CSMD2: variants seen among roughly 807,000 people sequenced by gnomAD.
The protein encoded by CSMD2 is CUB and sushi domain-containing protein 2.
Under a neutral mutation model 398.5 loss-of-function variants are expected in CSMD2, and 130 were observed. The observed-to-expected ratio is 0.33, with a 90% CI of 0.28 to 0.38. CSMD2 has a LOEUF of 0.38. CSMD2 is among the 10% of genes least tolerant of loss of function. CSMD2 has a pLI of 1.00. For synonymous variants in CSMD2, 1,828 were observed against 1,908.5 expected (o/e 0.96, Z 1.10); for missense variants, 3,829 against 4,764.9 (o/e 0.80, Z 5.78).
In CSMD2 at chr1:33,539,619, A is replaced by G. The variant is rs931289486; in HGVS notation, c.9631+906T>C. On this transcript the variant is annotated intron_variant, in intron 60 of 70. Coordinates refer to ENST00000373381, the MANE Select transcript of CSMD2 (RefSeq NM_001281956.2). ...AAAGCTGAACTGTGGTTATCATTGG[A>G]AAGTGTGAGTTCAGATGACTTTTAC... is the stretch of plus-strand genomic sequence containing the variant. Among the ~76,000 whole-genome samples the G allele has an allele frequency of 3.9e-5, 6 of 152,222 alleles. 1 individual carries two copies. Among genetic ancestry groups the G allele is most frequent in the Admixed American group, 3.9e-4 (6 of 15,274 alleles).
chr1:34,114,980 A>C lies in CSMD2; in HGVS notation c.188-25787T>G, dbSNP rs965442293. On this transcript the variant is annotated intron_variant, in intron 1 of 70. Coordinates refer to ENST00000373381, the MANE Select transcript of CSMD2 (RefSeq NM_001281956.2). ...ATTTAAAATTTTACTGGAGGGGTTC[A>C]ATAACAGACTTAAGCAGAAAAAAGA... 3.9e-5 allele frequency among the ~76,000 whole-genome samples: 6 copies of C among 152,288 alleles called. No individual in the cohort carries two copies. In the East Asian group the frequency reaches 1.2e-3, roughly 29 times the overall value.
intron 66 of CSMD2, among the ~76,000 whole-genome samples, chr1:33,524,179 CATA>C (rs1654567567): frequency 6.6e-6 from 1 of 152,098 alleles, no homozygotes; most frequent in Non-Finnish European, 1.5e-5. Flanking sequence ...TCAACACTGG[CATA>C]ATATTTCATC....
At position 33,587,097 on chromosome 1, in the gene CSMD2, A is replaced by C; in HGVS notation, c.6928T>G (p.Phe2310Val). Residue 2310 changes from phenylalanine to valine, a missense_variant, in exon 45 of 71, where the codon TTC (phenylalanine) becomes GTC (valine). Physicochemically the swap from Phe to Val is conservative, Grantham distance 50 (BLOSUM62 -1). Transcript: ENST00000373381. The stretch of plus-strand genomic sequence containing the variant: ...GCTTGGGAGGTGGTACCTATATTGA[A>C]TTCTTCATTCTCTGTGACGACTTCG... ...NAEVVTENEE[F>V]NIGDIVRYRC... 6.2e-7 allele frequency: 1 copy of C among 1,605,092 alleles called. No homozygotes were observed. Among genetic ancestry groups the C allele is most frequent in the Non-Finnish European group, 8.5e-7 (1 of 1,175,962 alleles).
chr1:33,620,879 TTTAA>T (rs1315233076), intron 37 of CSMD2, among the ~76,000 whole-genome samples: 1 of 150,706 alleles, frequency 6.6e-6, no homozygotes, highest in Non-Finnish European at 1.5e-5. Flanking sequence ...CTGGGACCTG[TTTAA>T]TTCTTTCTGA....
intron 2 of CSMD2, among the ~76,000 whole-genome samples, chr1:34,072,714 A>C (rs905285119): frequency 1.3e-5 from 2 of 152,096 alleles, no homozygotes; most frequent in Admixed American, 1.3e-4. Context: ...TTGACCTTGA[A>C]CCACAGGGTC....
intron 13 of CSMD2, among the ~76,000 whole-genome samples, chr1:33,766,372 T>C (rs888331004): frequency 1.3e-5 from 2 of 152,136 alleles, no homozygotes; most frequent in Non-Finnish European, 2.9e-5. Context: ...CTATGCCCCA[T>C]GAGAAGAGGG....
intron 39 of CSMD2, 50 bp downstream of exon 39, chr1:33,616,856 C>T (rs946976433): frequency 1.4e-6 from 2 of 1,445,660 alleles, no homozygotes; most frequent in South Asian, 2.3e-5. Flanking sequence ...GAGCTAAGAT[C>T]CCTGAGAGAA....
chr1:33,943,274 C>G (rs182339624), intron 3 of CSMD2, among the ~76,000 whole-genome samples: 12 of 152,350 alleles, frequency 7.9e-5, no homozygotes, highest in Admixed American at 7.8e-4. Context: ...TCCTTGTGAT[C>G]TGACTGTTGC....
chr1:34,081,034 G>A (rs1018948127), intron 2 of CSMD2, among the ~76,000 whole-genome samples: 1 of 151,974 alleles, frequency 6.6e-6, no homozygotes, highest in Non-Finnish European at 1.5e-5. Flanking sequence ...AGAAAGAAAG[G>A]TTGAGTGGGA....
At chr1:33,783,248 T>C (rs1202084450) in intron 12 of CSMD2, among the ~76,000 whole-genome samples, 1 of 152,124 alleles carries the variant, frequency 6.6e-6, no homozygotes, top group Admixed American at 6.5e-5. Flanking sequence ...TATTACGGAC[T>C]GAACTTGTGT....
intron 5 of CSMD2, among the ~76,000 whole-genome samples, chr1:33,879,547 C>T: frequency 6.6e-6 from 1 of 151,708 alleles, no homozygotes; most frequent in Non-Finnish European, 1.5e-5. Flanking sequence ...CCACCTCATT[C>T]CCTTAGACTT....
At chr1:33,873,499 C>G (rs943055510) in intron 5 of CSMD2, 3 of 152,332 alleles carry the variant, frequency 2.0e-5, no homozygotes, top group South Asian at 2.1e-4. Context: ...TCACTTCTGT[C>G]TTATCCTCTC....
At chr1:33,582,823 C>T (rs763070453) in intron 47 of CSMD2, among the ~76,000 whole-genome samples, 10 of 152,106 alleles carry the variant, frequency 6.6e-5, no homozygotes, top group East Asian at 1.9e-4. Context: ...CTGTGTGAGG[C>T]GCATATCTTT....
At position 33,527,178 on chromosome 1, in the gene CSMD2, G is replaced by T. The variant is rs920061483; in HGVS notation, c.10234+18C>A. 6.2e-7 allele frequency: 1 copy of T among 1,609,766 alleles called. No individual in the cohort carries two copies. Among genetic ancestry groups the T allele is most frequent in the Admixed American group, 1.7e-5 (1 of 60,000 alleles). ...AGTAACACCAGTTTCTTGAGCCAAT[G>T]ATCTGGACCATACGTACTCAAGGCT... On this transcript the variant is annotated intron_variant, in intron 65 of 70. Transcript: ENST00000373381.
intron 3 of CSMD2, among the ~76,000 whole-genome samples, chr1:33,999,715 G>A (rs1023816194): frequency 4.6e-5 from 7 of 152,072 alleles, no homozygotes; most frequent in Admixed American, 3.3e-4. Flanking sequence ...TCTTGGCCCT[G>A]GGCAAATCCT....
intron 29 of CSMD2, 57 bp downstream of exon 29, chr1:33,646,591 C>T: frequency 6.3e-7 from 1 of 1,574,866 alleles, no homozygotes; most frequent in Non-Finnish European, 8.7e-7. Context: ...ACACTACTTG[C>T]CCTCTGCCTT....
intron 5 of CSMD2, among the ~76,000 whole-genome samples, chr1:33,896,017 G>C (rs1040014488): frequency 6.6e-6 from 1 of 152,142 alleles, no homozygotes; most frequent in Non-Finnish European, 1.5e-5. Context: ...CCAGAGTCTG[G>C]GAGGCTTGCA....
intron 5 of CSMD2, among the ~76,000 whole-genome samples, chr1:33,859,659 C>T (rs1639344910): frequency 6.6e-6 from 1 of 152,194 alleles, no homozygotes; most frequent in Non-Finnish European, 1.5e-5. Flanking sequence ...CAGTGAGTCC[C>T]ACTCCACAGA....
At chr1:33,768,145 C>T (rs902217426) in intron 13 of CSMD2, among the ~76,000 whole-genome samples, 5 of 152,180 alleles carry the variant, frequency 3.3e-5, no homozygotes, top group Non-Finnish European at 7.3e-5. Context: ...TAACCCATGC[C>T]TTCCCACTGT....
Sources: allele counts gnomAD v4.1 joint callset (sites outside exome capture counted in the v4.1 genomes callset), GRCh38; gene constraint gnomAD v4.1.1; transcripts MANE v1.5; gene names NCBI Gene and HGNC (gene_info 2026-07-23, HGNC 2026-07-21).